CNTN5: variants seen among roughly 807,000 people sequenced by gnomAD.
CNTN5 encodes contactin 5, also known as contactin-5.
A neutral mutation model predicts 129.1 loss-of-function variants in CNTN5; 77 were observed. The ratio of observed to expected loss-of-function variants is 0.60; its 90% CI spans 0.50 to 0.72. The LOEUF (loss-of-function observed/expected upper bound fraction) is 0.72, where lower values mean the gene tolerates loss of function less well. Ranked by LOEUF, CNTN5 falls within the 30% of genes least tolerant of loss-of-function variation. The pLI is 0.00. For synonymous variants in CNTN5, 509 were observed against 465.6 expected (o/e 1.09, Z -1.20); for missense variants, 1,478 against 1,328.8 (o/e 1.11, Z -1.75).
intron 1 of CNTN5, among the ~76,000 whole-genome samples, chr11:99,103,834 G>C (rs1020010400): frequency 1.3e-5 from 2 of 151,774 alleles, no homozygotes; most frequent in African/African-American, 4.8e-5. Flanking sequence ...GATGGAGGCA[G>C]AGATCTGTAA....
At chr11:100,019,647 A>G (rs1941022523) in intron 9 of CNTN5, among the ~76,000 whole-genome samples, 1 of 151,986 alleles carries the variant, frequency 6.6e-6, no homozygotes, top group Non-Finnish European at 1.5e-5. Flanking sequence ...ATATGCTGCC[A>G]AAACAGGAAT....
intron 1 of CNTN5, among the ~76,000 whole-genome samples, chr11:99,312,269 T>C (rs1474303109): frequency 6.6e-6 from 1 of 152,174 alleles, no homozygotes; most frequent in Non-Finnish European, 1.5e-5. Flanking sequence ...GGGAAATACA[T>C]ATAATATGAA....
intron 8 of CNTN5, among the ~76,000 whole-genome samples, chr11:99,965,582 A>C (rs1041436987): frequency 6.6e-6 from 1 of 152,158 alleles, no homozygotes; most frequent in African/African-American, 2.4e-5. Context: ...ACTTCCAACT[A>C]TGTGGTCAGT....
intron 2 of CNTN5, among the ~76,000 whole-genome samples, chr11:99,440,397 T>A (rs919427847): frequency 7.1e-6 from 1 of 141,404 alleles, no homozygotes; most frequent in African/African-American, 2.5e-5. Context: ...TGATTTGACC[T>A]CCTATAATTT....
intron 2 of CNTN5, among the ~76,000 whole-genome samples, chr11:99,366,180 C>T (rs1270807434): frequency 6.6e-6 from 1 of 152,124 alleles, no homozygotes; most frequent in East Asian, 1.9e-4. Flanking sequence ...TTTTGTTTCT[C>T]TGTTTCATAA....
rs554693533 is a variant in CNTN5 at position 100,058,484 on chromosome 11, C to T, written c.981-2728C>T. ...CTTAATAAGCTACAGACAATCTCAC[C>T]TCTGAATATATGCAAAAATTCTAGG... On this transcript the variant is annotated intron_variant, in intron 9 of 24. Coordinates refer to ENST00000524871, the MANE Select transcript of CNTN5 (RefSeq NM_014361.4). Among the ~76,000 whole-genome samples the T allele has an allele frequency of 2.0e-5, 3 of 152,118 alleles. No individual in the cohort carries two copies. In the South Asian group the frequency reaches 6.2e-4, roughly 32 times the overall value.
At chr11:99,114,258 T>G (rs1857934822) in intron 1 of CNTN5, among the ~76,000 whole-genome samples, 1 of 152,184 alleles carries the variant, frequency 6.6e-6, no homozygotes, top group Non-Finnish European at 1.5e-5. Flanking sequence ...CTGCTAAAAT[T>G]GGATTTACTG....
chr11:99,957,065 T>C (rs942463692), intron 8 of CNTN5, 56 bp downstream of exon 8: 53 of 1,421,080 alleles, frequency 3.7e-5, no homozygotes, highest in Non-Finnish European at 3.8e-5. Flanking sequence ...AAAATAAAGA[T>C]GTATTAGTGT....
chr11:100,013,501 A>G (rs1940648074), intron 9 of CNTN5, among the ~76,000 whole-genome samples: 1 of 152,210 alleles, frequency 6.6e-6, no homozygotes. Flanking sequence ...ATCTGAGTAT[A>G]TGTAAAACTA....
chr11:100,319,911 T>C (rs547212727), intron 21 of CNTN5, among the ~76,000 whole-genome samples: 1 of 152,356 alleles, frequency 6.6e-6, no homozygotes, highest in East Asian at 1.9e-4. Flanking sequence ...GAATGGTGAA[T>C]AGAATTTCGC....
Position 99,786,573 on chromosome 11 carries a change from C to T in CNTN5, c.56-32971C>T, listed in dbSNP as rs1945532027. The stretch of plus-strand genomic sequence containing the variant: ...ACAATCCTAAGCAAAAAGAACAAAG[C>T]TGGAGGCATTAAGCTACCTGACTTC... On this transcript the variant is annotated intron_variant, in intron 3 of 24. Coordinates refer to ENST00000524871, the MANE Select transcript of CNTN5 (RefSeq NM_014361.4). Among the ~76,000 whole-genome samples, 3 of 152,232 alleles carry T rather than the reference C, an allele frequency of 2.0e-5. No individual in the cohort carries two copies. The South Asian group carries it at 6.2e-4, about 32-fold the overall frequency.
At chr11:99,194,898 G>A (rs996166704) in intron 1 of CNTN5, among the ~76,000 whole-genome samples, 1 of 152,110 alleles carries the variant, frequency 6.6e-6, no homozygotes, top group Admixed American at 6.5e-5. Flanking sequence ...AGCCACCAAG[G>A]CTGGCCCCTG....
At chr11:99,029,249 T>C (rs989192823) in intron 1 of CNTN5, among the ~76,000 whole-genome samples, 2 of 152,082 alleles carry the variant, frequency 1.3e-5, no homozygotes, top group East Asian at 3.9e-4. Context: ...GACACAATCC[T>C]GTTCTAATTG....
At chr11:99,402,064 T>A (rs1386417845) in intron 2 of CNTN5, among the ~76,000 whole-genome samples, 1 of 152,168 alleles carries the variant, frequency 6.6e-6, no homozygotes, top group Non-Finnish European at 1.5e-5. Flanking sequence ...CTTTATATAT[T>A]TCTTTTGTCT....
chr11:100,159,364 A>G (rs1947363132), intron 13 of CNTN5, among the ~76,000 whole-genome samples: 1 of 151,850 alleles, frequency 6.6e-6, no homozygotes, highest in Admixed American at 6.6e-5. Context: ...ATAATGTTAA[A>G]TTTGTACTTA....
At chr11:100,078,406 G>T (rs1944231182) in intron 13 of CNTN5, among the ~76,000 whole-genome samples, 1 of 151,972 alleles carries the variant, frequency 6.6e-6, no homozygotes, top group Non-Finnish European at 1.5e-5. Context: ...CAAGAAAATG[G>T]ATTACATCAG....
intron 21 of CNTN5, among the ~76,000 whole-genome samples, chr11:100,331,006 G>A (rs1951895395): frequency 6.6e-6 from 1 of 152,064 alleles, no homozygotes; most frequent in Non-Finnish European, 1.5e-5. Flanking sequence ...AATGTAAATG[G>A]CCTAAATGCT....
chr11:99,786,824 C>A (rs1345218285), intron 3 of CNTN5, among the ~76,000 whole-genome samples: 1 of 152,116 alleles, frequency 6.6e-6, no homozygotes, highest in African/African-American at 2.4e-5. Flanking sequence ...AAACTGGACC[C>A]CTTCCTTACA....
chr11:100,258,318 T>C (rs1950121090), intron 17 of CNTN5, among the ~76,000 whole-genome samples: 1 of 152,166 alleles, frequency 6.6e-6, no homozygotes, highest in Non-Finnish European at 1.5e-5. Context: ...TTGACTGGTG[T>C]ACCTGAAAGT....
Sources: gnomAD v4.1 joint callset for allele counts (sites outside exome capture counted in the v4.1 genomes callset) on GRCh38, gnomAD v4.1.1 for gene constraint, MANE v1.5 for transcripts, NCBI Gene and HGNC (gene_info 2026-07-23, HGNC 2026-07-21) for gene names.